SAMD5: variants seen among roughly 807,000 people sequenced by gnomAD.
SAMD5 encodes sterile alpha motif domain-containing protein 5.
In SAMD5, 13 loss-of-function variants were observed where a neutral mutation model predicts 11.3. The observed-to-expected ratio is 1.15, with a 90% CI of 0.75 to 1.83. The LOEUF (loss-of-function observed/expected upper bound fraction) is 1.83. Among genes scored for constraint, SAMD5 ranks in the 40% most tolerant of loss-of-function variants. The pLI, the probability that SAMD5 is intolerant of heterozygous loss-of-function variation, is 0.00. For synonymous variants in SAMD5, 129 were observed against 111.3 expected, an observed-to-expected ratio of 1.16 and a Z score of -1.00; for missense variants, 255 against 239.1, an observed-to-expected ratio of 1.07 and a Z score of -0.44.
chr6:147,877,891 A>ATAGCTAGCTAGC, the SAMD5 span, among the ~76,000 whole-genome samples: 2,593 of 88,768 alleles, frequency 0.029, 68 homozygotes, highest in Non-Finnish European at 0.05. Flanking sequence ...CGATAGATAG[A>ATAGCTAGCTAGC]TAGCTAGATA....
At chr6:147,861,460 C>T in the SAMD5 span, among the ~76,000 whole-genome samples, 1 of 152,124 alleles carries the variant, frequency 6.6e-6, no homozygotes, top group Non-Finnish European at 1.5e-5. Flanking sequence ...GCCACCACGC[C>T]CAACCCACTG....
At chr6:147,738,853 A>AT (rs1011734982), downstream of SAMD5, among the ~76,000 whole-genome samples, 2 of 152,200 alleles carry the variant, frequency 1.3e-5, no homozygotes, top group Non-Finnish European at 2.9e-5. Flanking sequence ...AAATCTCTTG[A>AT]TTTTGAATTT....
At chr6:147,814,475 G>T in the SAMD5 span, among the ~76,000 whole-genome samples, 3 of 152,042 alleles carry the variant, frequency 2.0e-5, no homozygotes, top group African/African-American at 7.2e-5. Flanking sequence ...AACATCTGTT[G>T]TAAAGTGTGT....
At chr6:147,589,594 G>A (rs1789425177) in intron 1 of SAMD5, among the ~76,000 whole-genome samples, 1 of 152,142 alleles carries the variant, frequency 6.6e-6, no homozygotes, top group South Asian at 2.1e-4. Context: ...AATGGTAGTA[G>A]CACTTCTTAG....
chr6:147,692,663 A>G (rs1432425219), intron 1 of SAMD5, among the ~76,000 whole-genome samples: 1 of 152,194 alleles, frequency 6.6e-6, no homozygotes, highest in Admixed American at 6.5e-5. Context: ...TTAAGATGCA[A>G]TTGGCCAGTG....
chr6:147,630,038 C>T (rs1045264397), intron 1 of SAMD5, among the ~76,000 whole-genome samples: 1 of 151,548 alleles, frequency 6.6e-6, no homozygotes, highest in Non-Finnish European at 1.5e-5. Context: ...CAACCTCCAC[C>T]TCCCAGGTTC....
the SAMD5 span, among the ~76,000 whole-genome samples, chr6:147,907,657 CA>C: frequency 9.9e-5 from 15 of 152,152 alleles, no homozygotes; most frequent in Non-Finnish European, 2.1e-4. Flanking sequence ...CAGGACCCCA[CA>C]GGGGTGGGAG....
chr6:147,781,616 G>T, the SAMD5 span, among the ~76,000 whole-genome samples: 9 of 152,026 alleles, frequency 5.9e-5, no homozygotes, highest in Non-Finnish European at 1.3e-4. Flanking sequence ...GAACCTAGTT[G>T]CTCAGAGCCT....
chr6:147,694,163 C>T (rs1434452635), intron 1 of SAMD5, among the ~76,000 whole-genome samples: 2 of 152,108 alleles, frequency 1.3e-5, no homozygotes, highest in African/African-American at 2.4e-5. Context: ...TGTTCACTTG[C>T]GGCAGTTTGC....
chr6:147,600,123 T>C (rs1156816434), intron 1 of SAMD5, among the ~76,000 whole-genome samples: 1 of 152,126 alleles, frequency 6.6e-6, no homozygotes, highest in Non-Finnish European at 1.5e-5. Flanking sequence ...CTTTGCACTG[T>C]GGTCAGAACA....
chr6:147,563,161 GT>G (rs113834741), intron 1 of SAMD5, among the ~76,000 whole-genome samples: 10,061 of 152,236 alleles, frequency 0.066, 527 homozygotes, highest in African/African-American at 0.13. Flanking sequence ...CTATTTAGAT[GT>G]GATTGCCTGA....
At chr6:147,894,212 C>T in the SAMD5 span, among the ~76,000 whole-genome samples, 1 of 151,456 alleles carries the variant, frequency 6.6e-6, no homozygotes, top group African/African-American at 2.4e-5. Flanking sequence ...CAACCTCCAT[C>T]CCCCAGGTTC....
At chr6:147,676,049 A>C (rs1413493112) in intron 1 of SAMD5, 1 of 152,142 alleles carries the variant, frequency 6.6e-6, no homozygotes, top group Non-Finnish European at 1.5e-5. Flanking sequence ...TTTTATGGTA[A>C]TTGAAGTTTG....
In SAMD5 at chr6:147,567,736, G is replaced by C; in HGVS notation, c.*3280G>C. 2.0e-6 allele frequency: 2 copies of C among 985,224 alleles called. No homozygotes were observed. Among genetic ancestry groups the C allele is most frequent in the African/African-American group, 3.5e-5 (2 of 57,294 alleles). The allele number at this position is 985,224 out of a possible 1,614,324, so 61.0% of individuals were successfully genotyped here. A position where few individuals can be genotyped will look rare whatever the true frequency, so the allele number is the denominator to read the frequency against. ...TGACTAGAAAACTCAGACATAAATTGACATTTCCTTATCATTGCCTGAAAC... is the reference window on the plus strand; with the variant it reads ...TGACTAGAAAACTCAGACATAAATTCACATTTCCTTATCATTGCCTGAAAC... On this transcript the variant is annotated 3_prime_UTR_variant, in exon 2 of 2. Transcript: ENST00000367474.
chr6:147,891,644 T>TA, the SAMD5 span, among the ~76,000 whole-genome samples: 18 of 152,152 alleles, frequency 1.2e-4, no homozygotes, highest in South Asian at 2.5e-3. Flanking sequence ...GGTAATATTA[T>TA]AAAAAATCGA....
At chr6:147,892,767 A>G in the SAMD5 span, among the ~76,000 whole-genome samples, 1 of 152,214 alleles carries the variant, frequency 6.6e-6, no homozygotes, top group African/African-American at 2.4e-5. Flanking sequence ...CTGCTCCTGT[A>G]TTTTGAAATT....
At chr6:147,864,441 G>A in the SAMD5 span, among the ~76,000 whole-genome samples, 2 of 152,144 alleles carry the variant, frequency 1.3e-5, no homozygotes, top group Admixed American at 6.5e-5. Flanking sequence ...CTTGTGCTAC[G>A]TCTCTGAGCA....
chr6:147,524,288 C>T (rs566489163), intron 1 of SAMD5, among the ~76,000 whole-genome samples: 2 of 152,126 alleles, frequency 1.3e-5, no homozygotes, highest in Non-Finnish European at 2.9e-5. Flanking sequence ...ACCTGCTCTC[C>T]GACAGCAAGT....
intron 1 of SAMD5, among the ~76,000 whole-genome samples, chr6:147,713,078 C>T (rs778984378): frequency 1.3e-5 from 2 of 151,988 alleles, no homozygotes; most frequent in Admixed American, 6.6e-5. Context: ...AAGCATGTTG[C>T]TACTTAAAGG....
Sources: gnomAD v4.1 joint callset for allele counts (sites outside exome capture counted in the v4.1 genomes callset) on GRCh38, gnomAD v4.1.1 for gene constraint, MANE v1.5 for transcripts, NCBI Gene and HGNC (gene_info 2026-07-23, HGNC 2026-07-21) for gene names.